Variants in NPM1 observed in about 807,000 individuals in gnomAD.
NPM1 encodes the protein nucleophosmin.
A neutral mutation model predicts 44.1 loss-of-function variants in NPM1; 1 was observed. That is an observed-to-expected ratio of 0.02 (90% CI 0.01 to 0.11). The LOEUF (loss-of-function observed/expected upper bound fraction) is 0.11. Ranked by LOEUF, NPM1 falls within the 10% of genes least tolerant of loss-of-function variation. The pLI, the probability that NPM1 is intolerant of heterozygous loss-of-function variation, is 1.00. For synonymous variants in NPM1, 126 were observed against 111.8 expected, an observed-to-expected ratio of 1.13 and a Z score of -0.80; for missense variants, 197 against 347.8, an observed-to-expected ratio of 0.57 and a Z score of 3.45.
At chr5:171,399,444 T>A (rs1269844112) in intron 6 of NPM1, among the ~76,000 whole-genome samples, 1 of 152,100 alleles carries the variant, frequency 6.6e-6, no homozygotes, top group African/African-American at 2.4e-5. Flanking sequence ...GGGTTCTCAT[T>A]ATGTTGCCTA....
At chr5:171,389,919 C>T (rs1770486647) in intron 1 of NPM1, 132 bp from the exon 2 acceptor site, 10 of 625,396 alleles carry the variant, frequency 1.6e-5, no homozygotes, top group South Asian at 1.6e-4. Flanking sequence ...ATTGATCATT[C>T]TGCTTTGCCC....
chr5:171,399,368 T>C (rs1490349272), intron 6 of NPM1, among the ~76,000 whole-genome samples: 1 of 152,082 alleles, frequency 6.6e-6, no homozygotes, highest in East Asian at 1.9e-4. Context: ...GCCTTAGCTT[T>C]TCAAATAGCT....
chr5:171,390,868 A>G (rs1486921919), intron 2 of NPM1, among the ~76,000 whole-genome samples: 1 of 152,076 alleles, frequency 6.6e-6, no homozygotes, highest in Non-Finnish European at 1.5e-5. Flanking sequence ...GATTACAGGC[A>G]TGTGCCACCA....
At chr5:171,394,449 C>T (rs1770769242) in intron 6 of NPM1, among the ~76,000 whole-genome samples, 1 of 152,096 alleles carries the variant, frequency 6.6e-6, no homozygotes, top group Non-Finnish European at 1.5e-5. Flanking sequence ...GCTGGGATTA[C>T]AGGCATGAGC....
chr5:171,406,768 G>T, intron 9 of NPM1: 1 of 1,048,048 alleles, frequency 9.5e-7, no homozygotes, highest in Non-Finnish European at 1.2e-6. Context: ...TGGAAATTGT[G>T]AGGTTTATTT....
chr5:171,399,899 T>G (rs1771103896), intron 6 of NPM1, among the ~76,000 whole-genome samples: 1 of 152,238 alleles, frequency 6.6e-6, no homozygotes, highest in African/African-American at 2.4e-5. Context: ...CATACAGTGT[T>G]TGTTCTTTTG....
At chr5:171,397,926 A>T (rs1006671886) in intron 6 of NPM1, among the ~76,000 whole-genome samples, 28 of 130,868 alleles carry the variant, frequency 2.1e-4, no homozygotes, top group African/African-American at 7.6e-4. Flanking sequence ...AGTAGTTGGG[A>T]TTACAGGCAC....
Position 171,387,988 on chromosome 5 carries a change from C to G in NPM1, c.40C>G (p.Pro14Ala). 3 of 1,612,924 alleles carry G rather than the reference C, an allele frequency of 1.9e-6. No homozygotes were observed. The South Asian group carries it at 3.3e-5, about 18-fold the overall frequency. The change falls in exon 1 of 11, where the codon CCC becomes GCC. Residue 14 changes from proline (P) to alanine (A), a missense_variant. Pro to Ala is a conservative substitution (Grantham distance 27). Around this residue, in one of 5 missense-constraint regions of NPM1, gnomAD observed 43 missense variants for 109.6 expected, o/e 0.39. Transcript: ENST00000296930. ...SMDMDMSPLR[P>A]QNYLFGCELK... Reference sequence around the variant, plus strand: ...GGACATGGACATGAGCCCCCTGAGGCCCCAGAACTATCTTTTCGGTAACTG... The same window carrying G: ...GGACATGGACATGAGCCCCCTGAGGGCCCAGAACTATCTTTTCGGTAACTG...
chr5:171,390,238 A>G lies in NPM1; in HGVS notation c.138+108A>G, dbSNP rs1280536845. ...TTCCTTTGCTGACTGCTTATAAAAT[A>G]CTATTTCTTACACCTGGGTATTGTG... On this transcript the variant is annotated intron_variant, in intron 2 of 10. Transcript: ENST00000296930. The G allele has an allele frequency of 1.2e-5, 7 of 587,232 alleles. No individual in the cohort carries two copies. In the East Asian group the frequency reaches 2.2e-4, roughly 18 times the overall value. The allele number at this position is 587,232 out of a possible 1,614,324, so 36.4% of individuals were successfully genotyped here. A position where few individuals can be genotyped will look rare whatever the true frequency, so the allele number is the denominator to read the frequency against.
intron 6 of NPM1, among the ~76,000 whole-genome samples, chr5:171,393,759 GCT>G (rs987521677): frequency 6.6e-6 from 1 of 152,186 alleles, no homozygotes; most frequent in Non-Finnish European, 1.5e-5. Context: ...TAGGTTTTAA[GCT>G]GGTGGTTCTT....
chr5:171,406,582 G>A, intron 9 of NPM1: 1 of 1,422,260 alleles, frequency 7.0e-7, no homozygotes, highest in Non-Finnish European at 9.2e-7. Context: ...CAATCTCTTG[G>A]TTCCCTAAAG....
At chr5:171,393,800 A>G (rs1378242892) in intron 6 of NPM1, among the ~76,000 whole-genome samples, 1 of 152,206 alleles carries the variant, frequency 6.6e-6, no homozygotes, top group East Asian at 1.9e-4. Flanking sequence ...CGATGAAGGC[A>G]GAAAACAGGA....
chr5:171,392,725 C>T lies in NPM1; in HGVS notation c.368C>T (p.Ala123Val), dbSNP rs1425509549. 7 of 1,609,078 alleles carry T rather than the reference C, an allele frequency of 4.4e-6. No individual in the cohort carries two copies. Among genetic ancestry groups the T allele is most frequent in the Non-Finnish European group, 5.9e-6 (7 of 1,176,516 alleles). The change falls in exon 5 of 11, where the codon GCA becomes GTA. Residue 123 changes from alanine to valine, a missense_variant. Physicochemically the swap from Ala to Val is moderately conservative, Grantham distance 64 (BLOSUM62 0). Transcript: ENST00000296930. ...TGTATTTTAGCTGTGGAGGAAGATG[C>T]AGAGTCAGAAGATGAAGAGGAGGAG... Reference protein sequence around the residue: ...GQHLVAVEEDAESEDEEEEDV... With the variant: ...GQHLVAVEEDVESEDEEEEDV...
upstream of NPM1, chr5:171,387,833 G>T: frequency 3.1e-6 from 3 of 958,988 alleles, no homozygotes; most frequent in Non-Finnish European, 4.9e-6. Flanking sequence ...ATATATAAGC[G>T]CGGGGAGCCT....
In NPM1 at chr5:171,391,286, A is replaced by ATT; in HGVS notation, c.139-10_139-9dup. 7 of 1,399,780 alleles carry ATT rather than the reference A, an allele frequency of 5.0e-6. No homozygotes were observed. Among genetic ancestry groups the ATT allele is most frequent in the Non-Finnish European group, 4.9e-6 (5 of 1,026,338 alleles). The allele number at this position is 1,399,780 out of a possible 1,614,324, so 86.7% of individuals were successfully genotyped here. A position where few individuals can be genotyped will look rare whatever the true frequency, so the allele number is the denominator to read the frequency against. The stretch of plus-strand genomic sequence containing the variant: ...GGTGGAACTCAAAAGTTGAAGTAGT[A>ATT]TTTTTTTTTTGTTCACAGGTCAGTT... On this transcript the variant is annotated intron_variant, in intron 2 of 10. Coordinates refer to ENST00000296930, the MANE Select transcript of NPM1 (RefSeq NM_002520.7).
chr5:171,406,452 A>G, intron 9 of NPM1: 1 of 1,611,520 alleles, frequency 6.2e-7, no homozygotes, highest in Non-Finnish European at 8.5e-7. Flanking sequence ...ATGGGGAGAA[A>G]GGAAAAGGAG....
rs777071775 is a variant in NPM1, at chr5:171,400,222, C to G, written c.582+12C>G. 6.8e-6 allele frequency: 11 copies of G among 1,613,448 alleles called. No individual in the cohort carries two copies. Among genetic ancestry groups the G allele is most frequent in the Non-Finnish European group, 8.5e-7 (1 of 1,179,858 alleles). ...CGCCAGTGAAGAAAGTGAGTAGATACAATGCTACAAGGTTGTTAAACTAAC... is the reference window on the plus strand; with the variant it reads ...CGCCAGTGAAGAAAGTGAGTAGATAGAATGCTACAAGGTTGTTAAACTAAC... On this transcript the variant is annotated intron_variant, in intron 7 of 10. Transcript: ENST00000296930.
chr5:171,400,711 C>T, intron 7 of NPM1, 128 bp from the exon 8 acceptor site: 2 of 620,642 alleles, frequency 3.2e-6, no homozygotes, highest in Non-Finnish European at 5.8e-6. Flanking sequence ...CTCCCAAAGT[C>T]CTGGGATTAC....
intron 8 of NPM1, among the ~76,000 whole-genome samples, chr5:171,404,361 G>A (rs1455177157): frequency 1.3e-5 from 1 of 76,452 alleles, no homozygotes; most frequent in South Asian, 6.4e-4. Context: ...CGGGCGGAGG[G>A]GCTCCTCACT....
Sources: allele counts gnomAD v4.1 joint callset (sites outside exome capture counted in the v4.1 genomes callset), GRCh38; gene constraint gnomAD v4.1.1; regional missense constraint gnomAD v4.1.1; transcripts MANE v1.5; gene names NCBI Gene and HGNC (gene_info 2026-07-23, HGNC 2026-07-21).